Variants in ANKLE2 observed in about 807,000 individuals in gnomAD.
The protein encoded by ANKLE2 is ankyrin repeat and LEM domain-containing protein 2.
Under a neutral mutation model 84.2 loss-of-function variants are expected in ANKLE2, and 55 were observed. The ratio of observed to expected loss-of-function variants is 0.65; its 90% confidence interval spans 0.53 to 0.82. The LOEUF is 0.82. Among genes scored for constraint, ANKLE2 ranks in the 40% least tolerant of loss-of-function variants. ANKLE2 has a pLI of 0.00. For synonymous variants in ANKLE2, 551 were observed against 486.1 expected, an observed-to-expected ratio of 1.13 and a Z score of -1.76; for missense variants, 1,238 against 1,201.9, an observed-to-expected ratio of 1.03 and a Z score of -0.44.
At chr12:132,732,710 G>A (rs1488832584) in intron 10 of ANKLE2, among the ~76,000 whole-genome samples, 5 of 108,448 alleles carry the variant, frequency 4.6e-5, no homozygotes, top group African/African-American at 1.4e-4. Flanking sequence ...GATATGCACC[G>A]TGTGAAGCTC....
At chr12:132,727,812 C>G (rs2043740829) in intron 12 of ANKLE2, among the ~76,000 whole-genome samples, 1 of 152,092 alleles carries the variant, frequency 6.6e-6, no homozygotes, top group South Asian at 2.1e-4. Flanking sequence ...TTCCACCCTT[C>G]TAGCCCTCAG....
chr12:132,730,654 CT>C (rs1274832240), intron 10 of ANKLE2: 1 of 217,596 alleles, frequency 4.6e-6, no homozygotes, highest in Non-Finnish European at 9.3e-6. Context: ...AAACCCCGTT[CT>C]CTATAGAAAA....
At chr12:132,737,831 C>G (rs1245858653) in intron 7 of ANKLE2, 3 of 152,214 alleles carry the variant, frequency 2.0e-5, no homozygotes, top group African/African-American at 7.2e-5. Context: ...TCATGGCTCA[C>G]TGCAGCCTCG....
chr12:132,741,965 C>A, intron 6 of ANKLE2: 1 of 392,344 alleles, frequency 2.5e-6, no homozygotes, highest in African/African-American at 2.1e-5. Context: ...TGAAGAATTG[C>A]AGCAATACGA....
At chr12:132,730,304 G>T in intron 10 of ANKLE2, 34 bp from the exon 11 acceptor site, 1 of 1,511,132 alleles carries the variant, frequency 6.6e-7, no homozygotes, top group African/African-American at 1.4e-5. Context: ...TCAGTGATGG[G>T]AACGACAGGA....
At chr12:132,745,756 C>A in intron 5 of ANKLE2, 1 of 182,200 alleles carries the variant, frequency 5.5e-6, no homozygotes. Flanking sequence ...CTCTCTAAGC[C>A]TGTGGTCGCT....
At position 132,748,324 on chromosome 12, in the gene ANKLE2, C is replaced by T. The variant is rs752612743; in HGVS notation, c.855G>A (p.Leu285=). The change falls in exon 4 of 13, where the codon TTG becomes TTA. Residue 285 remains leucine (L), a synonymous_variant. Coordinates refer to ENST00000357997, the MANE Select transcript of ANKLE2 (RefSeq NM_015114.3). ...TGACTGTTTCTGATTCCGACAAGCA[C>T]AAACCATCTGTCAGTAAGAGACAGA... The part of the protein sequence containing the change: ...LFSNDRLKDG[L]CLSESETVNK... 1.3e-5 allele frequency: 21 copies of T among 1,613,838 alleles called. No individual in the cohort carries two copies. The South Asian group carries it at 2.2e-4, about 17-fold the overall frequency.
intron 8 of ANKLE2, among the ~76,000 whole-genome samples, 200 bp downstream of exon 8, chr12:132,736,693 G>A (rs1388066284): frequency 6.6e-6 from 1 of 152,222 alleles, no homozygotes; most frequent in Non-Finnish European, 1.5e-5. Context: ...TGGTAAGCAA[G>A]CCACAGAGCC....
intron 11 of ANKLE2, among the ~76,000 whole-genome samples, chr12:132,728,779 G>A (rs532392360): frequency 1.3e-5 from 2 of 152,274 alleles, no homozygotes; most frequent in East Asian, 3.9e-4. Flanking sequence ...GGATCCACCC[G>A]CTGTTAAAAT....
In ANKLE2 at chr12:132,755,076, A is replaced by G; in HGVS notation, c.239T>C (p.Leu80Pro). ...ARLKLLNPDD[L>P]REEIVKAGLK... The stretch of plus-strand genomic sequence containing the variant: ...TCCGGCTTTGACGATTTCTTCTCTA[A>G]GGTCATCTGGATTCAGAAGTTTCAA... Residue 80 changes from leucine to proline, a missense_variant, in exon 2 of 13, where the codon CTT becomes CCT. Transcript: ENST00000357997. The G allele has an allele frequency of 6.2e-7, 1 of 1,613,564 alleles. No individual in the cohort carries two copies. Among genetic ancestry groups the G allele is most frequent in the Non-Finnish European group, 8.5e-7 (1 of 1,180,004 alleles).
chr12:132,754,002 G>A (rs1175775104), intron 2 of ANKLE2, among the ~76,000 whole-genome samples: 1 of 152,146 alleles, frequency 6.6e-6, no homozygotes, highest in Non-Finnish European at 1.5e-5. Context: ...CAGCACTTTG[G>A]GAGGCCAAGG....
At chr12:132,731,505 AACTC>A (rs2043844253) in intron 10 of ANKLE2, 2 of 151,098 alleles carry the variant, frequency 1.3e-5, no homozygotes, top group Non-Finnish European at 2.9e-5. Context: ...TACACACACA[AACTC>A]ACACAGACAC....
chr12:132,761,619 T>C lies in ANKLE2; in HGVS notation c.180A>G (p.Ser60=). Residue 60 remains serine, a splice_region_variant and synonymous_variant, in exon 1 of 13, where the codon TCA becomes TCG. Transcript: ENST00000357997. ...ACCCAGCGACCGCCTGGGCCTTACC[T>C]GAGGCGGGGGCGGCGGCCGCGCTTG... ...PPPSAAAAPA[S]GEMTMDALLA... is the part of the protein sequence containing the mutation. The C allele has an allele frequency of 1.6e-6, 2 of 1,252,960 alleles. No homozygotes were observed. The highest frequency in any genetic ancestry group is 2.0e-6 in the Non-Finnish European group (2 of 998,376). The allele number at this position is 1,252,960 out of a possible 1,614,324, so 77.6% of individuals were successfully genotyped here.
chr12:132,760,609 G>C (rs965472435), intron 1 of ANKLE2: 1 of 152,242 alleles, frequency 6.6e-6, no homozygotes, highest in Non-Finnish European at 1.5e-5. Context: ...CTTACCAGCA[G>C]AGTATAAAGG....
rs34152718 is a variant in ANKLE2, at chr12:132,754,778, G to A, written c.537C>T (p.Pro179=). The A allele has an allele frequency of 0.044, 70,833 of 1,614,072 alleles. 1,804 individuals carry two copies. The highest frequency in any genetic ancestry group is 0.086 in the East Asian group (3,854 of 44,880). The change falls in exon 2 of 13, where the codon CCC becomes CCT. Residue 179 remains proline (P), a synonymous_variant. Transcript: ENST00000357997. ...EAVTSKTCSV[P]PSDTDTYRAG... ...CTCTGTAGGTGTCGGTGTCACTAGG[G>A]GGCACCGAGCAGGTCTTGGATGTCA... is the stretch of plus-strand genomic sequence containing the variant.
chr12:132,727,920 G>T, intron 12 of ANKLE2, 112 bp downstream of exon 12: 2 of 1,410,452 alleles, frequency 1.4e-6, no homozygotes, highest in South Asian at 1.4e-5. Context: ...TGGCTGACGG[G>T]CCTGCCAGCG....
rs2043687968 is a variant in ANKLE2 at position 132,725,729 on chromosome 12, G to A, written c.*1513C>T. The A allele has an allele frequency of 6.6e-6, 1 of 152,244 alleles. No individual in the cohort carries two copies. The highest frequency in any genetic ancestry group is 1.5e-5 in the Non-Finnish European group (1 of 68,044). The allele number at this position is 152,244 out of a possible 1,614,324, so 9.4% of individuals were successfully genotyped here. ...CAACCATATACAGACAATATGGTAA[G>A]ATTTTAGAGAAAACAGATCATCACT... is the stretch of plus-strand genomic sequence containing the variant. On this transcript the variant is annotated 3_prime_UTR_variant, in exon 13 of 13. Coordinates refer to ENST00000357997, the MANE Select transcript of ANKLE2 (RefSeq NM_015114.3).
intron 1 of ANKLE2, chr12:132,757,745 C>T (rs1362264328): frequency 6.6e-6 from 1 of 152,134 alleles, no homozygotes; most frequent in African/African-American, 2.4e-5. Context: ...ATGGTGTGAA[C>T]CCAGGGGGCA....
At chr12:132,732,985 G>A (rs28396877) in intron 10 of ANKLE2, among the ~76,000 whole-genome samples, 8 of 92,456 alleles carry the variant, frequency 8.7e-5, no homozygotes, top group East Asian at 3.9e-4. Context: ...TGTGTGAAGC[G>A]CTCTGCGTCC....
Sources: gnomAD v4.1 joint callset for allele counts (sites outside exome capture counted in the v4.1 genomes callset) on GRCh38, gnomAD v4.1.1 for gene constraint, MANE v1.5 for transcripts, NCBI Gene and HGNC (gene_info 2026-07-23, HGNC 2026-07-21) for gene names.